Variants in AJM1 observed in about 807,000 individuals in gnomAD.
The protein encoded by AJM1 is apical junction component 1 homolog.
A neutral mutation model predicts 43.0 loss-of-function variants in AJM1; 22 were observed. That is an observed-to-expected ratio of 0.51 (90% confidence interval 0.37 to 0.73). The LOEUF (loss-of-function observed/expected upper bound fraction) is 0.73. AJM1 is among the 30% of genes least tolerant of loss of function. AJM1 has a pLI of 0.00. For synonymous variants in AJM1, 719 were observed against 638.3 expected (o/e 1.13, Z -1.91); for missense variants, 1,305 against 1,343.3 (o/e 0.97, Z 0.45).
In AJM1 at chr9:136,846,572, C is replaced by T. The variant is rs1484671948; in HGVS notation, c.2158C>T (p.Arg720Cys). ...CVYGRVGSVC[R>C]HVLQFCRDSG... Reference sequence around the variant, plus strand: ...GTACGGCCGCGTGGGCAGCGTGTGCCGCCACGTACTGCAGTTTTGCCGCGA... The same window carrying T: ...GTACGGCCGCGTGGGCAGCGTGTGCTGCCACGTACTGCAGTTTTGCCGCGA... Residue 720 changes from arginine (R) to cysteine (C), a missense_variant, in exon 3 of 3, where the codon CGC becomes TGC. This residue lies in a region of AJM1 where 391 missense variants were observed against 507.5 expected (regional missense o/e 0.77). Transcript: ENST00000436881. 5.0e-6 allele frequency: 8 copies of T among 1,591,972 alleles called. No individual in the cohort carries two copies. Among genetic ancestry groups the T allele is most frequent in the African/African-American group, 2.7e-5 (2 of 74,610 alleles).
At position 136,846,770 on chromosome 9, in the gene AJM1, G is replaced by T. The variant is rs1326243462; in HGVS notation, c.2356G>T (p.Ala786Ser). 6.3e-7 allele frequency: 1 copy of T among 1,596,780 alleles called. No homozygotes were observed. Residue 786 changes from alanine (A) to serine (S), a missense_variant, in exon 3 of 3, where the codon GCC (alanine) becomes TCC (serine). Around this residue, in one of 6 missense-constraint regions of AJM1, gnomAD observed 391 missense variants for 507.5 expected, o/e 0.77. Transcript: ENST00000436881. Reference sequence around the variant, plus strand: ...CACCTACCTATCGCTGCGTGAGCTGGCCACACACGCGGCGCCCCTGGGCAG... The same window carrying T: ...CACCTACCTATCGCTGCGTGAGCTGTCCACACACGCGGCGCCCCTGGGCAG... The part of the protein sequence containing the change: ...SPTYLSLREL[A>S]THAAPLGSYA...
rs1234914719 is a variant in AJM1, at chr9:136,847,471, GCCCCGCCTCTAATT to G, written c.*131_*144del. ...AGGGCCCCACCCCGACTTCTTCTAG[GCCCCGCCTCTAATT>G]CCCCAGCCTTCCAAGCTCCGCTCAG... On this transcript the variant is annotated 3_prime_UTR_variant, in exon 3 of 3. Coordinates refer to ENST00000436881, the MANE Select transcript of AJM1 (RefSeq NM_001080482.5). The G allele has an allele frequency of 1.4e-6, 1 of 720,324 alleles. No individual in the cohort carries two copies. The highest frequency in any genetic ancestry group is 2.1e-6 in the Non-Finnish European group (1 of 479,636). 44.6% of individuals were successfully genotyped at this position (720,324 alleles called of 1,614,324 possible). A position where few individuals can be genotyped will look rare whatever the true frequency, so the allele number is the denominator to read the frequency against.
rs1461789248 is a variant in AJM1 at position 136,845,196 on chromosome 9, C to A, written c.782C>A (p.Pro261His). ...AFYCDGPLPG[P>H]RDYAERRSLP... The stretch of plus-strand genomic sequence containing the variant: ...TACTGCGACGGGCCCCTGCCTGGGC[C>A]CCGGGACTACGCCGAGCGCCGCAGT... Residue 261 changes from proline (P) to histidine (H), a missense_variant, in exon 3 of 3, where the codon CCC becomes CAC. Coordinates refer to ENST00000436881, the MANE Select transcript of AJM1 (RefSeq NM_001080482.5). The A allele has an allele frequency of 6.3e-7, 1 of 1,588,404 alleles. No homozygotes were observed. Among genetic ancestry groups the A allele is most frequent in the African/African-American group, 1.3e-5 (1 of 74,570 alleles).
chr9:136,846,275 TC>T lies in AJM1; in HGVS notation c.1863del (p.Ala623ProfsTer40). 1 of 1,233,582 alleles carries T rather than the reference TC, an allele frequency of 8.1e-7. No individual in the cohort carries two copies. Among genetic ancestry groups the T allele is most frequent in the South Asian group, 2.6e-5 (1 of 37,842 alleles). The allele number at this position is 1,233,582 out of a possible 1,614,324, so 76.4% of individuals were successfully genotyped here. ...ACTGCTGGACTCGCGGCCCGCGGGCTCCGGGGCCCCCGCGCTGGCGCCGCCA... is the reference window on the plus strand; with the variant it reads ...ACTGCTGGACTCGCGGCCCGCGGGCTCGGGGCCCCCGCGCTGGCGCCGCCA... ...RRLLDSRPAG[S>X]GAPALAPPRS... On this transcript the variant is annotated frameshift_variant, in exon 3 of 3. Coordinates refer to ENST00000436881, the MANE Select transcript of AJM1 (RefSeq NM_001080482.5). LOFTEE classifies it high-confidence loss of function.
At position 136,847,376 on chromosome 9, in the gene AJM1, G is replaced by T; in HGVS notation, c.*31G>T. The T allele has an allele frequency of 1.4e-6, 2 of 1,454,446 alleles. No homozygotes were observed. Among genetic ancestry groups the T allele is most frequent in the Non-Finnish European group, 1.8e-6 (2 of 1,102,016 alleles). 90.1% of individuals were successfully genotyped at this position (1,454,446 alleles called of 1,614,324 possible). On this transcript the variant is annotated 3_prime_UTR_variant, in exon 3 of 3. Transcript: ENST00000436881. ...CGGGCCCACCAGGCCTAGCCCAGGC[G>T]CTGGCCCGAACCCTGCCCTGCCCAC...
chr9:136,843,595 A>G (rs1848730983), intron 1 of AJM1, among the ~76,000 whole-genome samples: 1 of 152,238 alleles, frequency 6.6e-6, no homozygotes, highest in African/African-American at 2.4e-5. Flanking sequence ...TCAACCACCC[A>G]AAGATACTTG....
rs1443614320 is a variant in AJM1 at position 136,842,487 on chromosome 9, T to TGGAAGCTTCTGCCC, written c.-244_-231dup. 6.6e-6 allele frequency among the ~76,000 whole-genome samples: 1 copy of TGGAAGCTTCTGCCC among 152,088 alleles called. No homozygotes were observed. The highest frequency in any genetic ancestry group is 1.5e-5 in the Non-Finnish European group (1 of 68,008). On this transcript the variant is annotated 5_prime_UTR_variant, in exon 1 of 3. Coordinates refer to ENST00000436881, the MANE Select transcript of AJM1 (RefSeq NM_001080482.5). ...CCAGGCCAGGATCCGCGCTGCTGCC[T>TGGAAGCTTCTGCCC]GGAAGCTTCTGCCCGTGCCGGGGAC... is the stretch of plus-strand genomic sequence containing the variant.
At position 136,847,178 on chromosome 9, in the gene AJM1, G is replaced by A. The variant is rs933895894; in HGVS notation, c.2764G>A (p.Glu922Lys). ...FLRHEFPRVYEQLCEFVEANR... is the reference protein window; with the variant it reads ...FLRHEFPRVYKQLCEFVEANR... ...GCGCCACGAGTTCCCGCGCGTCTAC[G>A]AGCAGCTTTGCGAGTTCGTCGAGGC... is the stretch of plus-strand genomic sequence containing the variant. Residue 922 changes from glutamate (E) to lysine (K), a missense_variant, in exon 3 of 3, where the codon GAG (glutamate) becomes AAG (lysine). Around this residue, in one of 6 missense-constraint regions of AJM1, gnomAD observed 116 missense variants for 113.4 expected, o/e 1.02. Coordinates refer to ENST00000436881, the MANE Select transcript of AJM1 (RefSeq NM_001080482.5). 16 of 1,603,792 alleles carry A rather than the reference G, an allele frequency of 1.0e-5. No homozygotes were observed. Among genetic ancestry groups the A allele is most frequent in the Non-Finnish European group, 1.4e-5 (16 of 1,178,792 alleles).
rs190661252 is a variant in AJM1 at position 136,848,685 on chromosome 9, A to T, written c.*1340A>T. ...CCCGCCGCCGCGCCCCGCGCCCCCT[A>T]CCCCAGGGCCTCTGCATTCGGCCCC... is the stretch of plus-strand genomic sequence containing the variant. On this transcript the variant is annotated 3_prime_UTR_variant, in exon 3 of 3. Coordinates refer to ENST00000436881, the MANE Select transcript of AJM1 (RefSeq NM_001080482.5). 1.3e-5 allele frequency: 2 copies of T among 151,874 alleles called. No individual in the cohort carries two copies. Among genetic ancestry groups the T allele is most frequent in the African/African-American group, 4.9e-5 (2 of 40,788 alleles). 9.4% of individuals were successfully genotyped at this position (151,874 alleles called of 1,614,324 possible).
chr9:136,846,388 CGAG>C lies in AJM1; in HGVS notation c.1977_1979del (p.Glu659del). 1 of 1,528,728 alleles carries C rather than the reference CGAG, an allele frequency of 6.5e-7. No individual in the cohort carries two copies. Among genetic ancestry groups the C allele is most frequent in the Non-Finnish European group, 8.8e-7 (1 of 1,140,922 alleles). 94.7% of individuals were successfully genotyped at this position (1,528,728 alleles called of 1,614,324 possible). ...ACGCGTCCCCCGAACCCAGCGCCGA[CGAG>C]GACGACCTGATGACCTGCTCCAATG... On this transcript the variant is annotated inframe_deletion, in exon 3 of 3. Transcript: ENST00000436881.
Position 136,847,393 on chromosome 9 carries a change from C to T in AJM1, c.*48C>T. 7.2e-7 allele frequency: 1 copy of T among 1,380,192 alleles called. No homozygotes were observed. Among genetic ancestry groups the T allele is most frequent in the Non-Finnish European group, 9.4e-7 (1 of 1,059,668 alleles). The allele number at this position is 1,380,192 out of a possible 1,614,324, so 85.5% of individuals were successfully genotyped here. A position where few individuals can be genotyped will look rare whatever the true frequency, so the allele number is the denominator to read the frequency against. ...GCCCAGGCGCTGGCCCGAACCCTGC[C>T]CTGCCCACTCAGGCCCCGCCCGGCC... is the stretch of plus-strand genomic sequence containing the variant. On this transcript the variant is annotated 3_prime_UTR_variant, in exon 3 of 3. Coordinates refer to ENST00000436881, the MANE Select transcript of AJM1 (RefSeq NM_001080482.5).
In AJM1 at chr9:136,847,574, A is replaced by C. The variant is rs1223600811; in HGVS notation, c.*229A>C. 1 of 412,782 alleles carries C rather than the reference A, an allele frequency of 2.4e-6. No homozygotes were observed. The highest frequency in any genetic ancestry group is 6.0e-5 in the South Asian group (1 of 16,780). 25.6% of individuals were successfully genotyped at this position (412,782 alleles called of 1,614,324 possible). A position where few individuals can be genotyped will look rare whatever the true frequency, so the allele number is the denominator to read the frequency against. Reference sequence around the variant, plus strand: ...CCTTCGTCCCCGTAGTGTTCCTCACAGGCCCTTCGCCTTCCCACCCCCAGC... The same window carrying C: ...CCTTCGTCCCCGTAGTGTTCCTCACCGGCCCTTCGCCTTCCCACCCCCAGC... On this transcript the variant is annotated 3_prime_UTR_variant, in exon 3 of 3. Coordinates refer to ENST00000436881, the MANE Select transcript of AJM1 (RefSeq NM_001080482.5).
rs1418893117 is a variant in AJM1, at chr9:136,845,026, G to C, written c.612G>C (p.Ser204=). 1.4e-6 allele frequency: 1 copy of C among 702,230 alleles called. No homozygotes were observed. Among genetic ancestry groups the C allele is most frequent in the South Asian group, 1.6e-5 (1 of 61,682 alleles). 43.5% of individuals were successfully genotyped at this position (702,230 alleles called of 1,614,324 possible). A position where few individuals can be genotyped will look rare whatever the true frequency, so the allele number is the denominator to read the frequency against. Residue 204 remains serine, a synonymous_variant, in exon 3 of 3, where the codon TCG becomes TCC. Coordinates refer to ENST00000436881, the MANE Select transcript of AJM1 (RefSeq NM_001080482.5). ...TGCTCCAGCACGCCACCCGGGGCTC[G>C]CGGTCCTGCGGGCCCACCGAGGCCG... ...DAVLQHATRG[S]RSCGPTEAAH... is the part of the protein sequence containing the mutation.
chr9:136,844,322 G>C, intron 2 of AJM1, 34 bp from the exon 3 acceptor site: 1 of 1,072,852 alleles, frequency 9.3e-7, no homozygotes, highest in South Asian at 1.3e-5. Context: ...CCTGGGCTGC[G>C]GAGGGGGCCG....
In AJM1 at chr9:136,847,911, C is replaced by G. The variant is rs1360658140; in HGVS notation, c.*566C>G. The stretch of plus-strand genomic sequence containing the variant: ...CGCCCCGCCTCCCGCGGCTGTGTTG[C>G]CTCCTCGCTGGAGAACACCCTGGTC... On this transcript the variant is annotated 3_prime_UTR_variant, in exon 3 of 3. Coordinates refer to ENST00000436881, the MANE Select transcript of AJM1 (RefSeq NM_001080482.5). The G allele has an allele frequency of 6.6e-6, 1 of 152,520 alleles. No individual in the cohort carries two copies. Among genetic ancestry groups the G allele is most frequent in the Non-Finnish European group, 1.5e-5 (1 of 68,226 alleles). 9.4% of individuals were successfully genotyped at this position (152,520 alleles called of 1,614,324 possible).
chr9:136,846,116 G>A lies in AJM1; in HGVS notation c.1702G>A (p.Gly568Ser), dbSNP rs1207300495. 25 of 1,529,314 alleles carry A rather than the reference G, an allele frequency of 1.6e-5. No individual in the cohort carries two copies. Among genetic ancestry groups the A allele is most frequent in the Non-Finnish European group, 1.9e-5 (22 of 1,143,176 alleles). 94.7% of individuals were successfully genotyped at this position (1,529,314 alleles called of 1,614,324 possible). ...TRPPPHAAPDGPTSGRQRSLE... is the reference protein window; with the variant it reads ...TRPPPHAAPDSPTSGRQRSLE... ...GCCACCTCCCCACGCGGCCCCCGAC[G>A]GCCCCACCTCTGGCCGCCAGCGGAG... The change falls in exon 3 of 3, where the codon GGC (glycine) becomes AGC (serine). Residue 568 changes from glycine (G) to serine (S), a missense_variant. This residue lies in a region of AJM1 where 391 missense variants were observed against 507.5 expected (regional missense o/e 0.77). Coordinates refer to ENST00000436881, the MANE Select transcript of AJM1 (RefSeq NM_001080482.5).
Position 136,846,234 on chromosome 9 carries a change from G to A in AJM1, c.1820G>A (p.Gly607Asp), listed in dbSNP as rs1174082620. ...QASEPAADCL[G>D]PQLRRLLDSR... ...TCAGAGCCCGCGGCCGACTGCCTGG[G>A]CCCCCAACTGCGCCGACTGCTGGAC... The change falls in exon 3 of 3, where the codon GGC becomes GAC. Residue 607 changes from glycine (G) to aspartate (D), a missense_variant. This residue lies in a region of AJM1 where 391 missense variants were observed against 507.5 expected (regional missense o/e 0.77). Coordinates refer to ENST00000436881, the MANE Select transcript of AJM1 (RefSeq NM_001080482.5). The A allele has an allele frequency of 1.4e-6, 2 of 1,467,882 alleles. No homozygotes were observed. Among genetic ancestry groups the A allele is most frequent in the East Asian group, 2.9e-5 (1 of 34,836 alleles). The allele number at this position is 1,467,882 out of a possible 1,614,324, so 90.9% of individuals were successfully genotyped here.
chr9:136,845,919 G>A lies in AJM1; in HGVS notation c.1505G>A (p.Arg502His). The change falls in exon 3 of 3, where the codon CGC (arginine) becomes CAC (histidine). Residue 502 changes from arginine (R) to histidine (H), a missense_variant. Physicochemically the swap from Arg to His is conservative, Grantham distance 29 (BLOSUM62 0). Transcript: ENST00000436881. ...VVVNLSTSPR[R>H]YAALSLSETS... is the part of the protein sequence containing the mutation. ...GTGAACCTGTCCACCTCTCCCAGACGCTACGCCGCACTGTCCCTGTCCGAG... is the reference window on the plus strand; with the variant it reads ...GTGAACCTGTCCACCTCTCCCAGACACTACGCCGCACTGTCCCTGTCCGAG... 1 of 1,556,768 alleles carries A rather than the reference G, an allele frequency of 6.4e-7. No homozygotes were observed. Among genetic ancestry groups the A allele is most frequent in the African/African-American group, 1.4e-5 (1 of 73,306 alleles).
Position 136,845,569 on chromosome 9 carries a change from T to C in AJM1, c.1155T>C (p.Arg385=). Residue 385 remains arginine (R), a synonymous_variant, in exon 3 of 3, where the codon CGT becomes CGC. Coordinates refer to ENST00000436881, the MANE Select transcript of AJM1 (RefSeq NM_001080482.5). ...AGGACTTCGGAAGGTACCGCGAGCG[T>C]GACGTCCTGGCTCGGACGTACCCGC... is the stretch of plus-strand genomic sequence containing the variant. ...YTEDFGRYRE[R]DVLARTYPHP... 6.3e-7 allele frequency: 1 copy of C among 1,589,966 alleles called. No individual in the cohort carries two copies.
Sources: allele counts gnomAD v4.1 joint callset (sites outside exome capture counted in the v4.1 genomes callset), GRCh38; gene constraint gnomAD v4.1.1; regional missense constraint gnomAD v4.1.1; transcripts MANE v1.5; gene names NCBI Gene and HGNC (gene_info 2026-07-23, HGNC 2026-07-21).